Variants in CSNK1G3 observed in about 807,000 individuals in gnomAD.
The protein encoded by CSNK1G3 is casein kinase 1 gamma 3.
Under a neutral mutation model 64.3 loss-of-function variants are expected in CSNK1G3, and 23 were observed. The observed-to-expected ratio is 0.36, with a 90% CI of 0.26 to 0.51. The LOEUF (loss-of-function observed/expected upper bound fraction) is 0.51, where lower values mean the gene tolerates loss of function less well. Among genes scored for constraint, CSNK1G3 ranks in the 20% least tolerant of loss-of-function variants. The pLI is 0.96. For missense variants in CSNK1G3, 357 were observed against 510.5 expected (o/e 0.70, Z 2.90); for synonymous variants, 158 against 162.2 (o/e 0.97, Z 0.20).
chr5:123,557,710 TC>T (rs1439329810), intron 4 of CSNK1G3, 146 bp downstream of exon 4: 1 of 569,824 alleles, frequency 1.8e-6, no homozygotes, highest in African/African-American at 2.0e-5. Flanking sequence ...GGTCTTAGGA[TC>T]CCTTTTTTAT....
intron 4 of CSNK1G3, among the ~76,000 whole-genome samples, chr5:123,569,445 A>C (rs2150609770): frequency 6.6e-6 from 1 of 152,340 alleles, no homozygotes; most frequent in Middle Eastern, 3.4e-3. Flanking sequence ...ATTAAAATCC[A>C]TTGTAGTTTG....
intron 6 of CSNK1G3, among the ~76,000 whole-genome samples, chr5:123,584,681 G>T (rs1415874953): frequency 6.6e-6 from 1 of 152,130 alleles, no homozygotes; most frequent in Non-Finnish European, 1.5e-5. Context: ...TTCTTTAACT[G>T]TTTAATAGGA....
chr5:123,598,342 A>G (rs1199844678), intron 10 of CSNK1G3, among the ~76,000 whole-genome samples: 1 of 152,152 alleles, frequency 6.6e-6, no homozygotes, highest in Non-Finnish European at 1.5e-5. Flanking sequence ...GTTTTCTTGA[A>G]TGAAAAGAAG....
At chr5:123,587,976 ATTAAT>A (rs1427591593) in intron 6 of CSNK1G3, 87 bp from the exon 7 acceptor site, 4 of 792,128 alleles carry the variant, frequency 5.0e-6, no homozygotes, top group Non-Finnish European at 8.1e-6. Flanking sequence ...ACTTTTGGAA[ATTAAT>A]TTATACATAA....
intron 1 of CSNK1G3, among the ~76,000 whole-genome samples, chr5:123,532,495 G>A (rs982925026): frequency 4.0e-5 from 6 of 151,574 alleles, no homozygotes; most frequent in Admixed American, 3.9e-4. Flanking sequence ...TCTTTTCAGT[G>A]GTTCTTAACT....
At chr5:123,609,891 T>G (rs7736114) in intron 12 of CSNK1G3, among the ~76,000 whole-genome samples, 1 of 98,198 alleles carries the variant, frequency 1.0e-5, no homozygotes, top group Non-Finnish European at 2.0e-5. Context: ...TTGATGAGAT[T>G]TGAGAGGAAA....
intron 5 of CSNK1G3, 102 bp downstream of exon 5, chr5:123,573,643 C>A (rs917117173): frequency 3.8e-6 from 4 of 1,042,486 alleles, no homozygotes; most frequent in Non-Finnish European, 4.1e-6. Flanking sequence ...TCTTACAGAG[C>A]GTTTGACGTA....
intron 1 of CSNK1G3, among the ~76,000 whole-genome samples, chr5:123,535,442 CAT>C (rs1333797844): frequency 1.3e-5 from 2 of 151,828 alleles, no homozygotes; most frequent in Non-Finnish European, 2.9e-5. Flanking sequence ...TATAGAGAAA[CAT>C]GTAGGCAATT....
intron 6 of CSNK1G3, among the ~76,000 whole-genome samples, chr5:123,581,124 T>C (rs1403652469): frequency 6.6e-6 from 1 of 151,818 alleles, no homozygotes; most frequent in African/African-American, 2.4e-5. Context: ...ATTTACATTT[T>C]ATAATTATAT....
intron 10 of CSNK1G3, among the ~76,000 whole-genome samples, chr5:123,603,346 TG>T (rs1005509819): frequency 6.6e-6 from 1 of 152,080 alleles, no homozygotes; most frequent in Non-Finnish European, 1.5e-5. Context: ...CAAGAGAATT[TG>T]GGAGAATTTG....
At chr5:123,574,895 T>G (rs866850890) in intron 5 of CSNK1G3, among the ~76,000 whole-genome samples, 3 of 152,162 alleles carry the variant, frequency 2.0e-5, no homozygotes, top group Non-Finnish European at 2.9e-5. Flanking sequence ...TTCATGACTT[T>G]GCAAATGCTC....
At chr5:123,523,275 TA>T (rs1256690322) in intron 1 of CSNK1G3, among the ~76,000 whole-genome samples, 2 of 152,206 alleles carry the variant, frequency 1.3e-5, no homozygotes, top group Non-Finnish European at 2.9e-5. Flanking sequence ...TTATATTGCA[TA>T]TAGTCTGGAA....
exon 6 of CSNK1G3, chr5:123,575,765 A>G: frequency 2.5e-6 from 4 of 1,613,420 alleles, no homozygotes; most frequent in Non-Finnish European, 1.7e-6. Context: ...AAAGAACTTG[A>G]TATACAGAGA....
At chr5:123,530,749 A>G (rs775212708) in intron 1 of CSNK1G3, among the ~76,000 whole-genome samples, 3 of 152,256 alleles carry the variant, frequency 2.0e-5, no homozygotes, top group Admixed American at 6.5e-5. Flanking sequence ...TCAAAACTGT[A>G]AAGTGTTGTA....
At chr5:123,599,056 T>G (rs186622802) in intron 10 of CSNK1G3, among the ~76,000 whole-genome samples, 73 of 152,306 alleles carry the variant, frequency 4.8e-4, no homozygotes, top group African/African-American at 1.7e-3. Flanking sequence ...AATATACCAC[T>G]GACAACAGAT....
chr5:123,603,784 C>T (rs1480157011), intron 10 of CSNK1G3, among the ~76,000 whole-genome samples: 3 of 151,962 alleles, frequency 2.0e-5, no homozygotes, highest in African/African-American at 4.8e-5. Flanking sequence ...GGAAGAATCT[C>T]GACATATTGG....
chr5:123,537,436 G>T (rs1236821058), intron 1 of CSNK1G3, among the ~76,000 whole-genome samples: 1 of 151,516 alleles, frequency 6.6e-6, no homozygotes, highest in Non-Finnish European at 1.5e-5. Context: ...GGGTGAGGGG[G>T]TGGGAGGGAG....
chr5:123,553,156 C>T lies in CSNK1G3; in HGVS notation c.219+9C>T. On this transcript the variant is annotated intron_variant, in intron 3 of 12. Coordinates refer to ENST00000345990, the Ensembl canonical transcript of CSNK1G3. Reference sequence around the variant, plus strand: ...ATGTGGCAATTAAGTTGGTAAGTTCCTGTTTCTTAATTTTTCTTAATGATT... The same window carrying T: ...ATGTGGCAATTAAGTTGGTAAGTTCTTGTTTCTTAATTTTTCTTAATGATT... 3 of 1,342,810 alleles carry T rather than the reference C, an allele frequency of 2.2e-6. No homozygotes were observed. The highest frequency in any genetic ancestry group is 1.5e-5 in the African/African-American group (1 of 65,892). 83.2% of individuals were successfully genotyped at this position (1,342,810 alleles called of 1,614,324 possible).
chr5:123,559,254 GA>G (rs11337996), intron 4 of CSNK1G3, among the ~76,000 whole-genome samples: 90,816 of 149,858 alleles, frequency 0.61, 28,565 homozygotes, highest in African/African-American at 0.79. Context: ...CCACGGTGAT[GA>G]AAAAAAAAAC....
Sources: gnomAD v4.1 joint callset for allele counts (sites outside exome capture counted in the v4.1 genomes callset) on GRCh38, gnomAD v4.1.1 for gene constraint, MANE v1.5 for transcripts, NCBI Gene and HGNC (gene_info 2026-07-23, HGNC 2026-07-21) for gene names.